Variants in GAK observed in about 807,000 individuals in gnomAD.
The protein encoded by GAK is cyclin-G-associated kinase.
A neutral mutation model predicts 143.9 loss-of-function variants in GAK; 79 were observed. The observed-to-expected ratio is 0.55, with a 90% CI of 0.46 to 0.66. The LOEUF is 0.66. GAK is among the 30% of genes least tolerant of loss of function. The pLI, the probability that GAK is intolerant of heterozygous loss-of-function variation, is 0.00. For missense variants in GAK, 1,693 were observed against 1,779.7 expected, an observed-to-expected ratio of 0.95 and a Z score of 0.88; for synonymous variants, 881 against 765.5, an observed-to-expected ratio of 1.15 and a Z score of -2.49.
chr4:856,587 CACAGG>C (rs1749300398), intron 24 of GAK, among the ~76,000 whole-genome samples: 1 of 147,690 alleles, frequency 6.8e-6, no homozygotes, highest in Non-Finnish European at 1.5e-5. Flanking sequence ...TGCTCACCAC[CACAGG>C]TGCTCACAGC....
At chr4:866,314 C>T in intron 22 of GAK, 50 bp downstream of exon 22, 1 of 1,578,246 alleles carries the variant, frequency 6.3e-7, no homozygotes. Flanking sequence ...AGGCTGCGGT[C>T]CTGAGGGAGG....
At chr4:890,644 G>T in intron 9 of GAK, 22 bp from the exon 10 acceptor site, 1 of 1,596,148 alleles carries the variant, frequency 6.3e-7, no homozygotes, top group Non-Finnish European at 8.5e-7. Context: ...AAAATGCAGA[G>T]GTCAGTTCTC....
At chr4:893,518 C>T in intron 8 of GAK, 29 bp from the exon 9 acceptor site, 1 of 1,479,188 alleles carries the variant, frequency 6.8e-7, no homozygotes, top group South Asian at 1.3e-5. Flanking sequence ...GCGCTCGGCC[C>T]CACGGTTCCC....
At chr4:868,906 C>A (rs2152754126) in intron 19 of GAK, 1 of 558,008 alleles carries the variant, frequency 1.8e-6, no homozygotes, top group South Asian at 2.1e-5. Context: ...TTGGGCACAG[C>A]ACACGCACAC....
At chr4:866,218 G>T in intron 22 of GAK, 146 bp downstream of exon 22, 1 of 762,314 alleles carries the variant, frequency 1.3e-6, no homozygotes. Context: ...CGTCCTGCAG[G>T]ATGCTTGGGC....
intron 15 of GAK, among the ~76,000 whole-genome samples, chr4:881,155 G>A (rs1217283576): frequency 6.6e-6 from 1 of 152,206 alleles, no homozygotes; most frequent in South Asian, 2.1e-4. Flanking sequence ...AGGGGATAAA[G>A]AATGGGGAGT....
At chr4:863,776 G>A (rs529944526) in intron 23 of GAK, among the ~76,000 whole-genome samples, 236 of 152,360 alleles carry the variant, frequency 1.5e-3, no homozygotes, top group Non-Finnish European at 1.1e-3. Context: ...TGTAATCCCA[G>A]CACTTTGGGA....
chr4:919,105 C>T (rs1030549229), intron 1 of GAK, among the ~76,000 whole-genome samples: 9 of 147,346 alleles, frequency 6.1e-5, no homozygotes, highest in African/African-American at 1.8e-4. Context: ...AAGGCCTCAG[C>T]GCCCCATGAC....
chr4:849,833 G>GGGGGGGGGGGGGGCCCCCCCCC, intron 27 of GAK, 59 bp from the exon 28 acceptor site: 2 of 1,190,156 alleles, frequency 1.7e-6, no homozygotes, highest in Non-Finnish European at 2.3e-6. Flanking sequence ...GGCGGGGCAG[G>GGGGGGGGGGGGGGCCCCCCCCC]ACCCCCCCCC....
At chr4:912,603 G>C (rs1278662774) in intron 3 of GAK, 132 bp downstream of exon 3, 12 of 665,798 alleles carry the variant, frequency 1.8e-5, no homozygotes, top group Non-Finnish European at 3.0e-5. Flanking sequence ...TTTGGTAAAA[G>C]CAAAAAGCCG....
In GAK at chr4:870,880, A is replaced by G. The variant is rs747769982; in HGVS notation, c.2079T>C (p.Ile693=). 1 of 1,613,652 alleles carries G rather than the reference A, an allele frequency of 6.2e-7. No individual in the cohort carries two copies. The highest frequency in any genetic ancestry group is 8.5e-7 in the Non-Finnish European group (1 of 1,179,820). ...FAKYDLDACD[I]QEKYPDLFQV... ...GAAATAAATCCGGGTATTTTTCTTG[A>G]ATGTCACACGCGTCCAGGTCATACC... Residue 693 remains isoleucine, a synonymous_variant, in exon 19 of 28, where the codon ATT becomes ATC. Coordinates refer to ENST00000314167, the MANE Select transcript of GAK (RefSeq NM_005255.4).
intron 11 of GAK, 71 bp downstream of exon 11, chr4:888,776 G>A: frequency 2.0e-6 from 3 of 1,535,244 alleles, no homozygotes; most frequent in South Asian, 1.2e-5. Context: ...CCGCAGCCAG[G>A]AAGCAAGGGC....
intron 15 of GAK, 33 bp from the exon 16 acceptor site, chr4:877,842 G>A (rs994785884): frequency 1.6e-5 from 25 of 1,537,908 alleles, no homozygotes; most frequent in South Asian, 5.0e-5. Context: ...ACCACGTGAC[G>A]TGCCCTGAGA....
chr4:852,073 CT>C, intron 24 of GAK, 99 bp from the exon 25 acceptor site: 1 of 1,052,828 alleles, frequency 9.5e-7, no homozygotes, highest in East Asian at 2.6e-5. Context: ...AAAACATGCG[CT>C]TGCAAAATAG....
chr4:853,799 TTTTC>T (rs1161508920), intron 24 of GAK: 2 of 105,276 alleles, frequency 1.9e-5, no homozygotes, highest in African/African-American at 6.9e-5. Context: ...CTCTTGCCCA[TTTTC>T]TTTTTTTTTT....
At chr4:911,884 A>T in intron 3 of GAK, 97 bp from the exon 4 acceptor site, 1 of 934,070 alleles carries the variant, frequency 1.1e-6, no homozygotes. Context: ...CTGAAGTCAG[A>T]ATACTTGAAT....
chr4:904,159 C>A (rs1447685130), intron 5 of GAK, among the ~76,000 whole-genome samples: 2 of 151,956 alleles, frequency 1.3e-5, no homozygotes, highest in Non-Finnish European at 2.9e-5. Context: ...TGGGCGGCTC[C>A]TAACCGAGTG....
chr4:912,245 T>C, intron 3 of GAK: 1 of 440,980 alleles, frequency 2.3e-6, no homozygotes, highest in Non-Finnish European at 4.6e-6. Flanking sequence ...GAGGGACATG[T>C]GGCAGTGGAC....
At position 893,348 on chromosome 4, in the gene GAK, G is replaced by A. The variant is rs757403378; in HGVS notation, c.990+29C>T. 8.2e-6 allele frequency: 12 copies of A among 1,462,978 alleles called. No individual in the cohort carries two copies. In the South Asian group the frequency reaches 1.5e-4, roughly 18 times the overall value. The allele number at this position is 1,462,978 out of a possible 1,614,324, so 90.6% of individuals were successfully genotyped here. ...GTGTGCCTCCTTCACCACTGCGGGG[G>A]ATTTGGGGCTCACGTGTGCCTCCCT... On this transcript the variant is annotated intron_variant, in intron 9 of 27. Coordinates refer to ENST00000314167, the MANE Select transcript of GAK (RefSeq NM_005255.4).
Sources: allele counts gnomAD v4.1 joint callset (sites outside exome capture counted in the v4.1 genomes callset), GRCh38; gene constraint gnomAD v4.1.1; transcripts MANE v1.5; gene names NCBI Gene and HGNC (gene_info 2026-07-23, HGNC 2026-07-21).